Variants in CMIP observed in about 807,000 individuals in gnomAD.
CMIP encodes C-Maf-inducing protein.
In CMIP, 13 loss-of-function variants were observed where a neutral mutation model predicts 97.3. The observed-to-expected ratio is 0.13, with a 90% confidence interval of 0.09 to 0.21. The LOEUF is 0.21. CMIP is among the 10% of genes least tolerant of loss of function. The pLI is 1.00. For missense variants in CMIP, 847 were observed against 1,024.9 expected (o/e 0.83, Z 2.37); for synonymous variants, 538 against 436.3 (o/e 1.23, Z -2.91).
chr16:81,601,001 G>A (rs1010999558), intron 1 of CMIP, among the ~76,000 whole-genome samples: 4 of 152,176 alleles, frequency 2.6e-5, no homozygotes, highest in African/African-American at 9.7e-5. Flanking sequence ...CGTGGAACCC[G>A]ACTGTGCAGC....
intron 1 of CMIP, among the ~76,000 whole-genome samples, chr16:81,529,262 G>A (rs546559748): frequency 7.9e-5 from 12 of 152,298 alleles, no homozygotes; most frequent in Admixed American, 2.6e-4. Flanking sequence ...GGATGGGCCC[G>A]TGAGGGAGGG....
At chr16:81,676,816 C>G (rs1055189362) in intron 9 of CMIP, among the ~76,000 whole-genome samples, 1 of 151,758 alleles carries the variant, frequency 6.6e-6, no homozygotes, top group African/African-American at 2.4e-5. Flanking sequence ...CCCACCCCTT[C>G]CCCCAGCTGC....
rs547128931 is a variant in CMIP at position 81,457,015 on chromosome 16, C to T, written c.300+11474C>T. On this transcript the variant is annotated intron_variant, in intron 1 of 20. Transcript: ENST00000537098. The stretch of plus-strand genomic sequence containing the variant: ...CCTGAGACCACCTGACCCTGCAGAG[C>T]GCTCTGTCACAGCCGGTGGTGAGGA... 9.8e-5 allele frequency among the ~76,000 whole-genome samples: 15 copies of T among 152,288 alleles called. No homozygotes were observed. In the South Asian group the frequency reaches 1.2e-3, roughly 13 times the overall value.
chr16:81,551,631 T>G (rs2090660527), intron 1 of CMIP, among the ~76,000 whole-genome samples: 1 of 152,208 alleles, frequency 6.6e-6, no homozygotes. Flanking sequence ...GTCTTCCGTT[T>G]TCTCTCCACA....
At chr16:81,605,094 C>A (rs1378979024) in intron 1 of CMIP, among the ~76,000 whole-genome samples, 1 of 152,166 alleles carries the variant, frequency 6.6e-6, no homozygotes, top group Non-Finnish European at 1.5e-5. Flanking sequence ...AACCAACCAC[C>A]AAGCCCTGGC....
chr16:81,537,669 C>A (rs1180132302), intron 1 of CMIP, among the ~76,000 whole-genome samples: 2 of 151,754 alleles, frequency 1.3e-5, no homozygotes, highest in African/African-American at 2.4e-5. Flanking sequence ...AGTTCGAGAC[C>A]AGCCTGGTCC....
chr16:81,506,716 C>G (rs1196618655), intron 1 of CMIP, among the ~76,000 whole-genome samples: 1 of 152,174 alleles, frequency 6.6e-6, no homozygotes, highest in African/African-American at 2.4e-5. Flanking sequence ...AGTTCGAGAC[C>G]AGCCTGGCCA....
At chr16:81,501,989 C>G (rs778789211) in intron 1 of CMIP, among the ~76,000 whole-genome samples, 1 of 152,142 alleles carries the variant, frequency 6.6e-6, no homozygotes, top group Non-Finnish European at 1.5e-5. Context: ...GATGGGAGGA[C>G]TTTTTTATTC....
At chr16:81,536,243 T>A (rs1193275494) in intron 1 of CMIP, among the ~76,000 whole-genome samples, 1 of 152,152 alleles carries the variant, frequency 6.6e-6, no homozygotes, top group Non-Finnish European at 1.5e-5. Context: ...CTGGAACTTG[T>A]TGTGAGGATG....
At position 81,500,333 on chromosome 16, in the gene CMIP, C is replaced by A. The variant is rs1245518896; in HGVS notation, c.300+54792C>A. On this transcript the variant is annotated intron_variant, in intron 1 of 20. Coordinates refer to ENST00000537098, the MANE Select transcript of CMIP (RefSeq NM_198390.3). ...TCCCTCCCTCCCTGCCTCCCTCTGT[C>A]CCTCCCTCCCTCCCTCTCTCCTTTC... Among the ~76,000 whole-genome samples the A allele has an allele frequency of 5.7e-5, 5 of 87,704 alleles. No individual in the cohort carries two copies. The Admixed American group carries it at 5.8e-4, about 10-fold the overall frequency. 57.5% of individuals were successfully genotyped at this position (87,704 alleles called of 152,430 possible). A position where few individuals can be genotyped will look rare whatever the true frequency, so the allele number is the denominator to read the frequency against.
intron 3 of CMIP, among the ~76,000 whole-genome samples, chr16:81,629,574 C>A (rs1422253711): frequency 6.6e-6 from 1 of 152,224 alleles, no homozygotes; most frequent in Non-Finnish European, 1.5e-5. Flanking sequence ...CCTTTTCGAC[C>A]TTTTTACGAT....
chr16:81,635,534 G>A (rs980649763), intron 3 of CMIP, among the ~76,000 whole-genome samples: 4 of 152,184 alleles, frequency 2.6e-5, no homozygotes, highest in Non-Finnish European at 1.5e-5. Flanking sequence ...TAAGTATTAT[G>A]CAGTGCCATT....
intron 1 of CMIP, among the ~76,000 whole-genome samples, chr16:81,586,852 A>G (rs1015850290): frequency 2.0e-5 from 3 of 152,162 alleles, no homozygotes; most frequent in Non-Finnish European, 4.4e-5. Context: ...AGACAAATGA[A>G]CCGAGGGGGC....
chr16:81,452,885 G>GT (rs558606255), intron 1 of CMIP, among the ~76,000 whole-genome samples: 1,956 of 129,062 alleles, frequency 0.015, 35 homozygotes, highest in Non-Finnish European at 0.02. Context: ...TTTTTGTTTT[G>GT]TTTTTTTTTT....
At chr16:81,546,751 A>G (rs190566444) in intron 1 of CMIP, among the ~76,000 whole-genome samples, 29 of 152,270 alleles carry the variant, frequency 1.9e-4, no homozygotes, top group South Asian at 2.1e-4. Context: ...GGAGCACTGG[A>G]TGGGAGCTAG....
At chr16:81,688,380 C>A (rs977063674) in intron 10 of CMIP, among the ~76,000 whole-genome samples, 1 of 152,228 alleles carries the variant, frequency 6.6e-6, no homozygotes, top group African/African-American at 2.4e-5. Flanking sequence ...TTGCTAAGAT[C>A]ACAGCCGTGG....
intron 3 of CMIP, among the ~76,000 whole-genome samples, chr16:81,632,443 G>A (rs1348081910): frequency 1.3e-5 from 2 of 152,084 alleles, no homozygotes; most frequent in African/African-American, 2.4e-5. Flanking sequence ...AATATATGTC[G>A]CAGCAGTGTC....
chr16:81,608,645 C>A (rs372946597), intron 2 of CMIP, among the ~76,000 whole-genome samples: 1 of 152,114 alleles, frequency 6.6e-6, no homozygotes, highest in African/African-American at 2.4e-5. Flanking sequence ...CCACCAGGAC[C>A]ACACAGAGGC....
chr16:81,451,101 C>T (rs534241736), intron 1 of CMIP, among the ~76,000 whole-genome samples: 1 of 152,154 alleles, frequency 6.6e-6, no homozygotes, highest in Non-Finnish European at 1.5e-5. Flanking sequence ...TAGTCCCAGC[C>T]TCTTTGATAT....
Sources: gnomAD v4.1 joint callset for allele counts (sites outside exome capture counted in the v4.1 genomes callset) on GRCh38, gnomAD v4.1.1 for gene constraint, MANE v1.5 for transcripts, NCBI Gene and HGNC (gene_info 2026-07-23, HGNC 2026-07-21) for gene names.